PCDH7: variants seen among roughly 807,000 people sequenced by gnomAD.
PCDH7 encodes the protein protocadherin-7.
In PCDH7, 17 loss-of-function variants were observed where a neutral mutation model predicts 58.9. The observed-to-expected ratio is 0.29, with a 90% CI of 0.20 to 0.43. The LOEUF (loss-of-function observed/expected upper bound fraction) is 0.43. Ranked by LOEUF, PCDH7 falls within the 20% of genes least tolerant of loss-of-function variation. The pLI is 1.00. For missense variants in PCDH7, 1,274 were observed against 1,441.0 expected (o/e 0.88, Z 1.88); for synonymous variants, 664 against 616.4 (o/e 1.08, Z -1.14).
intron 3 of PCDH7, among the ~76,000 whole-genome samples, chr4:31,046,854 A>G (rs1453161864): frequency 2.6e-5 from 4 of 152,026 alleles, no homozygotes; most frequent in African/African-American, 9.7e-5. Flanking sequence ...AATTAGTTAT[A>G]ATTTTCAGTT....
At chr4:30,808,591 A>C (rs1726564074) in intron 1 of PCDH7, among the ~76,000 whole-genome samples, 2 of 152,114 alleles carry the variant, frequency 1.3e-5, no homozygotes, top group African/African-American at 2.4e-5. Context: ...TTTTTCATAT[A>C]AGCAATTACT....
chr4:30,795,572 TA>T (rs1239654876), intron 1 of PCDH7, among the ~76,000 whole-genome samples: 1 of 152,202 alleles, frequency 6.6e-6, no homozygotes, highest in Non-Finnish European at 1.5e-5. Context: ...AATCTGCTAT[TA>T]AAAGCAAACA....
chr4:30,901,246 T>G (rs1007939286), intron 1 of PCDH7, among the ~76,000 whole-genome samples: 1 of 152,112 alleles, frequency 6.6e-6, no homozygotes, highest in African/African-American at 2.4e-5. Context: ...TTATAATAAG[T>G]CACATTTACA....
rs1186963269 is a variant in PCDH7 at position 30,766,420 on chromosome 4, T to C, written c.70+41824T>C. Among the ~76,000 whole-genome samples the C allele has an allele frequency of 4.6e-5, 7 of 152,238 alleles. No homozygotes were observed. In the East Asian group the frequency reaches 7.7e-4, roughly 17 times the overall value. On this transcript the variant is annotated intron_variant, in intron 1 of 3. Transcript: ENST00000509759. ...AAAATTCAAATTTCTATTACTATTA[T>C]TTTTTCTTTTGTAAGAATTCACTTG...
At chr4:31,004,692 G>T (rs1752628748) in intron 3 of PCDH7, among the ~76,000 whole-genome samples, 1 of 152,066 alleles carries the variant, frequency 6.6e-6, no homozygotes, top group Admixed American at 6.6e-5. Context: ...ATCTCAAAAA[G>T]AATGACGACA....
chr4:30,980,197 T>G (rs1750428649), intron 3 of PCDH7, among the ~76,000 whole-genome samples: 1 of 152,314 alleles, frequency 6.6e-6, no homozygotes, highest in Non-Finnish European at 1.5e-5. Context: ...CATAAAACAA[T>G]TAGGCATAAA....
At chr4:30,894,062 T>A (rs79557744) in intron 1 of PCDH7, among the ~76,000 whole-genome samples, 5,518 of 152,168 alleles carry the variant, frequency 0.036, 329 homozygotes, top group African/African-American at 0.13. Context: ...TTTCTGATAA[T>A]AAATTATTAT....
Position 30,723,500 on chromosome 4 carries a change from C to A in PCDH7, c.2078C>A (p.Thr693Asn), listed in dbSNP as rs1714083093. The A allele has an allele frequency of 6.2e-7, 1 of 1,613,960 alleles. No homozygotes were observed. The highest frequency in any genetic ancestry group is 8.5e-7 in the Non-Finnish European group (1 of 1,180,012). ...TTTTCTATTGAAAATGACACGGGGA[C>A]CATTTACTCCACAATGTCTTTTGAC... Residue 693 changes from threonine (T) to asparagine (N), a missense_variant, in exon 1 of 2, where the codon ACC becomes AAC. Coordinates refer to ENST00000361762, the Ensembl canonical transcript of PCDH7. The surrounding 1 kb of genome is among the most constrained non-coding windows in gnomAD (Gnocchi z 4.6).
intron 3 of PCDH7, among the ~76,000 whole-genome samples, chr4:31,105,840 T>C (rs946775978): frequency 3.2e-4 from 48 of 151,740 alleles, no homozygotes; most frequent in Non-Finnish European, 6.0e-4. Context: ...ACCCCGTCTT[T>C]ACTAAAAATA....
At chr4:31,092,436 C>A (rs552860310) in intron 3 of PCDH7, among the ~76,000 whole-genome samples, 3 of 152,080 alleles carry the variant, frequency 2.0e-5, no homozygotes, top group Admixed American at 2.0e-4. Context: ...TTCTCTGAAA[C>A]TATTTGTTGT....
intron 3 of PCDH7, among the ~76,000 whole-genome samples, chr4:31,080,908 G>A (rs548164123): frequency 6.6e-6 from 1 of 152,300 alleles, no homozygotes; most frequent in South Asian, 2.1e-4. Context: ...CCCATGAGAT[G>A]TGATGATTTT....
intron 1 of PCDH7, among the ~76,000 whole-genome samples, chr4:30,912,307 A>G (rs1741881749): frequency 6.6e-6 from 1 of 152,184 alleles, no homozygotes; most frequent in African/African-American, 2.4e-5. Flanking sequence ...ATAGCCACTG[A>G]CACTGGTTGA....
intron 3 of PCDH7, among the ~76,000 whole-genome samples, chr4:31,046,121 C>A (rs1438813188): frequency 6.6e-6 from 1 of 151,956 alleles, no homozygotes; most frequent in African/African-American, 2.4e-5. Context: ...TATCTGTATA[C>A]AAGTTTTATA....
intron 1 of PCDH7, among the ~76,000 whole-genome samples, chr4:30,740,882 CT>C (rs5857202): frequency 6.6e-6 from 1 of 151,608 alleles, no homozygotes; most frequent in South Asian, 2.1e-4. Context: ...ATGATACATG[CT>C]TTTTTTTCAA....
At chr4:30,939,839 G>A (rs1745811830) in intron 2 of PCDH7, among the ~76,000 whole-genome samples, 1 of 152,032 alleles carries the variant, frequency 6.6e-6, no homozygotes, top group Admixed American at 6.6e-5. Flanking sequence ...TTTGATGTAG[G>A]AAAACTTAAA....
chr4:31,085,321 TAGG>T (rs1201809190), intron 3 of PCDH7, among the ~76,000 whole-genome samples: 2 of 152,012 alleles, frequency 1.3e-5, no homozygotes, highest in African/African-American at 2.4e-5. Context: ...GCACTGATCC[TAGG>T]AGGAGTTTAG....
At chr4:30,793,614 G>T (rs980265719) in intron 1 of PCDH7, among the ~76,000 whole-genome samples, 10 of 151,880 alleles carry the variant, frequency 6.6e-5, no homozygotes, top group African/African-American at 1.2e-4. Flanking sequence ...TATAATTCTT[G>T]ACTTTAAAAC....
intron 3 of PCDH7, among the ~76,000 whole-genome samples, chr4:30,986,979 C>CA (rs58422152): frequency 0.18 from 26,957 of 148,922 alleles, 2,986 homozygotes; most frequent in East Asian, 0.32. Context: ...GATTCCGTCT[C>CA]AAAAAAAAAT....
intron 1 of PCDH7, among the ~76,000 whole-genome samples, chr4:30,812,311 A>C (rs1727125258): frequency 6.6e-6 from 1 of 152,172 alleles, no homozygotes; most frequent in African/African-American, 2.4e-5. Flanking sequence ...GTTTACCAAT[A>C]TTTGTTTTAT....
Sources: allele counts gnomAD v4.1 joint callset (sites outside exome capture counted in the v4.1 genomes callset), GRCh38; gene constraint gnomAD v4.1.1; non-coding constraint Gnocchi (gnomAD v3.1); transcripts MANE v1.5; gene names NCBI Gene and HGNC (gene_info 2026-07-23, HGNC 2026-07-21).